SLC4A10: variants seen among roughly 807,000 people sequenced by gnomAD.
SLC4A10 encodes sodium-driven chloride bicarbonate exchanger.
Under a neutral mutation model 137.7 loss-of-function variants are expected in SLC4A10, and 42 were observed. The ratio of observed to expected loss-of-function variants is 0.30; its 90% CI spans 0.24 to 0.39. The LOEUF (loss-of-function observed/expected upper bound fraction) is 0.39, where lower values mean the gene tolerates loss of function less well. Ranked by LOEUF, SLC4A10 falls within the 10% of genes least tolerant of loss-of-function variation. SLC4A10 has a pLI of 1.00. For synonymous variants in SLC4A10, 474 were observed against 464.1 expected (o/e 1.02, Z -0.27); for missense variants, 925 against 1,355.0 (o/e 0.68, Z 4.98).
chr2:161,938,265 T>A (rs1181806786), intron 15 of SLC4A10, among the ~76,000 whole-genome samples: 2 of 152,152 alleles, frequency 1.3e-5, no homozygotes, highest in Non-Finnish European at 1.5e-5. Flanking sequence ...AGAGAAACCC[T>A]GTCTCCAAAT....
intron 1 of SLC4A10, among the ~76,000 whole-genome samples, chr2:161,701,684 A>G (rs1274818802): frequency 6.6e-6 from 1 of 151,814 alleles, no homozygotes; most frequent in Non-Finnish European, 1.5e-5. Flanking sequence ...CCTTCTATCT[A>G]ATTTTATTTT....
At chr2:161,768,028 T>C (rs1478270052) in intron 1 of SLC4A10, among the ~76,000 whole-genome samples, 1 of 152,074 alleles carries the variant, frequency 6.6e-6, no homozygotes, top group Non-Finnish European at 1.5e-5. Flanking sequence ...GGGGAATTTT[T>C]ATTTACTTCT....
At chr2:161,675,913 A>T (rs1309585133) in intron 1 of SLC4A10, among the ~76,000 whole-genome samples, 3 of 152,164 alleles carry the variant, frequency 2.0e-5, no homozygotes, top group African/African-American at 7.2e-5. Context: ...CTTCTCCCAC[A>T]AGTATTTGAA....
chr2:161,881,004 A>G (rs1443095936), intron 9 of SLC4A10, among the ~76,000 whole-genome samples: 2 of 152,090 alleles, frequency 1.3e-5, no homozygotes, highest in African/African-American at 2.4e-5. Flanking sequence ...TGTAGAGAAC[A>G]ACGGAGAAAA....
rs1425561778 is a variant in SLC4A10, at chr2:161,872,344, A to G, written c.818A>G (p.Asn273Ser). ...QSAPACVENK[N>S]DVSRENSTVD... ...GCTCCAGCCTGTGTTGAAAATAAAA[A>G]TGATGTTAGCAGAGAAAACAGCACT... is the stretch of plus-strand genomic sequence containing the variant. The change falls in exon 7 of 27, where the codon AAT becomes AGT. Residue 273 changes from asparagine (N) to serine (S), a missense_variant. Physicochemically the swap from Asn to Ser is conservative, Grantham distance 46. Transcript: ENST00000446997. 6.2e-7 allele frequency: 1 copy of G among 1,613,734 alleles called. No individual in the cohort carries two copies. Among genetic ancestry groups the G allele is most frequent in the East Asian group, 2.2e-5 (1 of 44,814 alleles).
intron 4 of SLC4A10, among the ~76,000 whole-genome samples, chr2:161,845,361 A>G (rs900752724): frequency 6.6e-6 from 1 of 152,092 alleles, no homozygotes; most frequent in African/African-American, 2.4e-5. Context: ...TATCTTTAGT[A>G]ACTTGATATT....
chr2:161,637,152 G>T (rs1172213827), intron 1 of SLC4A10, among the ~76,000 whole-genome samples: 2 of 146,454 alleles, frequency 1.4e-5, no homozygotes, highest in African/African-American at 2.5e-5. Context: ...TATGTATATA[G>T]ATATATACGT....
At chr2:161,685,133 T>G (rs534750279) in intron 1 of SLC4A10, among the ~76,000 whole-genome samples, 1 of 152,286 alleles carries the variant, frequency 6.6e-6, no homozygotes, top group South Asian at 2.1e-4. Flanking sequence ...TCAGCAGGAA[T>G]TTATTTACTG....
At chr2:161,777,320 A>G (rs1036061534) in intron 2 of SLC4A10, among the ~76,000 whole-genome samples, 1 of 151,854 alleles carries the variant, frequency 6.6e-6, no homozygotes, top group Non-Finnish European at 1.5e-5. Context: ...TATTAGATCT[A>G]TTGGTTGTGT....
At chr2:161,918,497 T>C (rs1687533995) in intron 15 of SLC4A10, among the ~76,000 whole-genome samples, 1 of 152,124 alleles carries the variant, frequency 6.6e-6, no homozygotes, top group African/African-American at 2.4e-5. Flanking sequence ...AATATAAGAA[T>C]AGAGGGATTT....
intron 15 of SLC4A10, among the ~76,000 whole-genome samples, chr2:161,928,517 TATA>T (rs953850902): frequency 1.3e-5 from 2 of 150,488 alleles, no homozygotes; most frequent in Non-Finnish European, 1.5e-5. Context: ...AAACTTAAAG[TATA>T]ATAATAACAG....
intron 2 of SLC4A10, among the ~76,000 whole-genome samples, chr2:161,783,932 T>C (rs1323741853): frequency 6.6e-6 from 1 of 151,882 alleles, no homozygotes; most frequent in East Asian, 1.9e-4. Context: ...TAAATTATAC[T>C]TCCCAATCAA....
At chr2:161,920,145 C>T (rs1235605464) in intron 15 of SLC4A10, among the ~76,000 whole-genome samples, 4 of 152,184 alleles carry the variant, frequency 2.6e-5, no homozygotes, top group Non-Finnish European at 4.4e-5. Context: ...GCCTGGGATC[C>T]AGGCTGGTAG....
chr2:161,713,288 A>G (rs1160159779), intron 1 of SLC4A10, among the ~76,000 whole-genome samples: 1 of 151,668 alleles, frequency 6.6e-6, no homozygotes, highest in East Asian at 1.9e-4. Context: ...AAAATAAAAT[A>G]AAAAAAACAA....
chr2:161,765,048 G>A (rs1472951170), intron 1 of SLC4A10, among the ~76,000 whole-genome samples: 1 of 152,066 alleles, frequency 6.6e-6, no homozygotes, highest in Admixed American at 6.6e-5. Context: ...TTTTCAACTT[G>A]CAAGTGAAAA....
At chr2:161,790,968 C>G (rs976022437) in intron 2 of SLC4A10, among the ~76,000 whole-genome samples, 2 of 152,102 alleles carry the variant, frequency 1.3e-5, no homozygotes, top group Non-Finnish European at 2.9e-5. Context: ...CAAGAAACAA[C>G]AGATGCTGGT....
intron 1 of SLC4A10, among the ~76,000 whole-genome samples, chr2:161,725,675 T>A (rs1235312223): frequency 6.6e-6 from 1 of 152,206 alleles, no homozygotes; most frequent in East Asian, 1.9e-4. Flanking sequence ...TCATTTGAGA[T>A]GTCTAAAGAA....
chr2:161,839,717 G>A, intron 3 of SLC4A10, 72 bp from the exon 4 acceptor site: 1 of 1,565,184 alleles, frequency 6.4e-7, no homozygotes, highest in Non-Finnish European at 8.7e-7. Context: ...GCTGAAGGCA[G>A]TGACTGGGAC....
chr2:161,726,088 G>T (rs994093730), intron 1 of SLC4A10, among the ~76,000 whole-genome samples: 17 of 152,098 alleles, frequency 1.1e-4, no homozygotes, highest in Non-Finnish European at 2.5e-4. Flanking sequence ...TGTCTCAATA[G>T]ATTATGTTTT....
Sources: allele counts gnomAD v4.1 joint callset (sites outside exome capture counted in the v4.1 genomes callset), GRCh38; gene constraint gnomAD v4.1.1; transcripts MANE v1.5; gene names NCBI Gene and HGNC (gene_info 2026-07-23, HGNC 2026-07-21).